The following HNRNPC variants were observed in gnomAD, a reference collection of about 807,000 sequenced individuals.
The protein encoded by HNRNPC is heterogeneous nuclear ribonucleoproteins C1/C2.
In HNRNPC, 3 loss-of-function variants were observed where a neutral mutation model predicts 33.2. The ratio of observed to expected loss-of-function variants is 0.09; its 90% CI spans 0.04 to 0.23. HNRNPC has a LOEUF of 0.23. Among genes scored for constraint, HNRNPC ranks in the 10% least tolerant of loss-of-function variants. HNRNPC has a pLI of 1.00. For missense variants in HNRNPC, 143 were observed against 366.7 expected (o/e 0.39, Z 4.98); for synonymous variants, 121 against 126.7 (o/e 0.96, Z 0.30).
intron 2 of HNRNPC, among the ~76,000 whole-genome samples, chr14:21,239,825 G>T (rs1789741921): frequency 6.6e-6 from 1 of 152,126 alleles, no homozygotes; most frequent in African/African-American, 2.4e-5. Flanking sequence ...AGCGAGCCAA[G>T]ATCATGCCAC....
At chr14:21,237,920 C>T (rs138412772) in intron 2 of HNRNPC, among the ~76,000 whole-genome samples, 1 of 152,052 alleles carries the variant, frequency 6.6e-6, no homozygotes, top group South Asian at 2.1e-4. Context: ...TACAGGCATG[C>T]GCCACCAGGC....
rs1021633583 is a variant in HNRNPC at position 21,221,291 on chromosome 14, C to T, written c.366-8174G>A. On this transcript the variant is annotated intron_variant, in intron 5 of 8. Transcript: ENST00000553300. ...CCTGAAGAGTAGGCTTTAGTCATTA[C>T]ATTTCTTATAACTTACACAACTCTA... Among the ~76,000 whole-genome samples the T allele has an allele frequency of 3.9e-5, 6 of 152,290 alleles. No individual in the cohort carries two copies. The South Asian group carries it at 1.2e-3, about 32-fold the overall frequency.
intron 4 of HNRNPC, 134 bp downstream of exon 4, chr14:21,230,863 A>G: frequency 1.0e-6 from 1 of 965,990 alleles, no homozygotes; most frequent in South Asian, 1.6e-5. Context: ...CACAGATAAA[A>G]CACAGTACAC....
chr14:21,242,303 T>A (rs1280916558), intron 2 of HNRNPC, among the ~76,000 whole-genome samples: 1 of 152,100 alleles, frequency 6.6e-6, no homozygotes, highest in Non-Finnish European at 1.5e-5. Flanking sequence ...GTCAACATAG[T>A]GAAACCCCAT....
intron 2 of HNRNPC, among the ~76,000 whole-genome samples, chr14:21,257,551 A>T (rs1320549890): frequency 6.6e-6 from 1 of 151,590 alleles, no homozygotes; most frequent in Non-Finnish European, 1.5e-5. Context: ...CTTCGGTTTT[A>T]TAAGTCTTAG....
intron 6 of HNRNPC, among the ~76,000 whole-genome samples, chr14:21,212,587 G>A (rs969209857): frequency 1.3e-5 from 2 of 151,478 alleles, no homozygotes; most frequent in African/African-American, 4.9e-5. Flanking sequence ...TCGTCACCCA[G>A]GCTGGAGTGC....
intron 5 of HNRNPC, chr14:21,213,477 T>G (rs1891837786): frequency 5.4e-6 from 1 of 186,784 alleles, no homozygotes; most frequent in Non-Finnish European, 1.1e-5. Flanking sequence ...CTTATTATTT[T>G]CAAATATACA....
At position 21,209,300 on chromosome 14, in the gene HNRNPC, G is replaced by C. The variant is rs1300439601; in HGVS notation, c.*1923C>G. 2.0e-5 allele frequency: 3 copies of C among 152,196 alleles called. No homozygotes were observed. Among genetic ancestry groups the C allele is most frequent in the Non-Finnish European group, 4.4e-5 (3 of 68,024 alleles). The allele number at this position is 152,196 out of a possible 1,614,324, so 9.4% of individuals were successfully genotyped here. ...AGCTAAACAGACTGCTCTGTGCAGG[G>C]AGAGGCCCTACAGTGAAGGGAAAAG... On this transcript the variant is annotated 3_prime_UTR_variant, in exon 9 of 9. Coordinates refer to ENST00000553300, the MANE Select transcript of HNRNPC (RefSeq NM_004500.4).
intron 1 of HNRNPC, among the ~76,000 whole-genome samples, chr14:21,266,114 T>TA (rs1878934641): frequency 6.6e-6 from 1 of 152,202 alleles, no homozygotes; most frequent in African/African-American, 2.4e-5. Flanking sequence ...TCAATTATTA[T>TA]CATTTTTTTG....
chr14:21,229,075 A>G (rs1345925290), intron 5 of HNRNPC, among the ~76,000 whole-genome samples: 1 of 147,746 alleles, frequency 6.8e-6, no homozygotes, highest in African/African-American at 2.5e-5. Context: ...CGAGAGGAAA[A>G]TTCCGTATTT....
At chr14:21,252,959 A>G (rs1305192588) in intron 2 of HNRNPC, among the ~76,000 whole-genome samples, 1 of 152,032 alleles carries the variant, frequency 6.6e-6, no homozygotes, top group Non-Finnish European at 1.5e-5. Context: ...GCAGATCACA[A>G]GGTCAAGAGA....
At chr14:21,255,849 G>T (rs998053911) in intron 2 of HNRNPC, among the ~76,000 whole-genome samples, 1 of 152,164 alleles carries the variant, frequency 6.6e-6, no homozygotes, top group South Asian at 2.1e-4. Context: ...TTAGGAGAAG[G>T]GGAGCTTAAA....
intron 2 of HNRNPC, 99 bp from the exon 3 acceptor site, chr14:21,234,328 C>T: frequency 1.8e-6 from 2 of 1,109,242 alleles, no homozygotes; most frequent in Non-Finnish European, 2.6e-6. Flanking sequence ...GTTAACTGCC[C>T]AGAGTATTAG....
chr14:21,240,151 C>T (rs1895182001), intron 2 of HNRNPC, among the ~76,000 whole-genome samples: 1 of 152,104 alleles, frequency 6.6e-6, no homozygotes, highest in African/African-American at 2.4e-5. Context: ...AAAAGCGATA[C>T]AAGATTTTAA....
chr14:21,232,462 C>T (rs1231678956), intron 3 of HNRNPC, among the ~76,000 whole-genome samples: 1 of 152,048 alleles, frequency 6.6e-6, no homozygotes, highest in Non-Finnish European at 1.5e-5. Context: ...CTCCACCTCC[C>T]GGGTTCAAGC....
chr14:21,245,334 A>G (rs1895852023), intron 2 of HNRNPC, among the ~76,000 whole-genome samples: 1 of 151,948 alleles, frequency 6.6e-6, no homozygotes, highest in South Asian at 2.1e-4. Flanking sequence ...CGTCTCTACT[A>G]AAAATACAAA....
At chr14:21,244,404 T>C (rs893070589) in intron 2 of HNRNPC, among the ~76,000 whole-genome samples, 1 of 152,242 alleles carries the variant, frequency 6.6e-6, no homozygotes, top group South Asian at 2.1e-4. Context: ...AACATCTCGA[T>C]GTAAAAAACT....
intron 3 of HNRNPC, among the ~76,000 whole-genome samples, chr14:21,233,363 A>C (rs576360040): frequency 6.6e-6 from 1 of 152,370 alleles, no homozygotes; most frequent in South Asian, 2.1e-4. Flanking sequence ...ATTTAAAAAT[A>C]ATCATCTTAA....
chr14:21,212,424 A>AAAG (rs2064343933), intron 6 of HNRNPC, among the ~76,000 whole-genome samples: 1 of 152,242 alleles, frequency 6.6e-6, no homozygotes, highest in African/African-American at 2.4e-5. Flanking sequence ...ACACAAAAAA[A>AAAG]TCTCAGGAAC....
Sources: allele counts gnomAD v4.1 joint callset (sites outside exome capture counted in the v4.1 genomes callset), GRCh38; gene constraint gnomAD v4.1.1; transcripts MANE v1.5; gene names NCBI Gene and HGNC (gene_info 2026-07-23, HGNC 2026-07-21).